Variants in PCSK2 observed in about 807,000 individuals in gnomAD.
The protein encoded by PCSK2 is neuroendocrine convertase 2.
In PCSK2, 14 loss-of-function variants were observed where a neutral mutation model predicts 69.7. That is an observed-to-expected ratio of 0.20 (90% CI 0.13 to 0.31). The LOEUF (loss-of-function observed/expected upper bound fraction) is 0.31. PCSK2 is among the 10% of genes least tolerant of loss of function. PCSK2 has a pLI of 1.00. For missense variants in PCSK2, 544 were observed against 842.5 expected, an observed-to-expected ratio of 0.65 and a Z score of 4.39; for synonymous variants, 307 against 320.7, an observed-to-expected ratio of 0.96 and a Z score of 0.46.
At chr20:17,429,271 T>G (rs981183704) in intron 6 of PCSK2, among the ~76,000 whole-genome samples, 164 bp from the exon 7 acceptor site, 1 of 152,136 alleles carries the variant, frequency 6.6e-6, no homozygotes, top group African/African-American at 2.4e-5. Context: ...ACTTTAAGTC[T>G]TCACAGAACT....
At chr20:17,422,284 A>T (rs2032149363) in intron 6 of PCSK2, among the ~76,000 whole-genome samples, 1 of 152,210 alleles carries the variant, frequency 6.6e-6, no homozygotes, top group Non-Finnish European at 1.5e-5. Context: ...GTCTGACAAG[A>T]TGTGGGTTCT....
At chr20:17,467,422 C>A (rs2033121638) in intron 11 of PCSK2, among the ~76,000 whole-genome samples, 1 of 152,218 alleles carries the variant, frequency 6.6e-6, no homozygotes, top group African/African-American at 2.4e-5. Flanking sequence ...GTAAAAAGCT[C>A]TAGTGGCAAG....
chr20:17,284,690 A>G (rs1243828316), intron 2 of PCSK2, among the ~76,000 whole-genome samples: 1 of 152,208 alleles, frequency 6.6e-6, no homozygotes, highest in Non-Finnish European at 1.5e-5. Flanking sequence ...CAATATGCCA[A>G]GACACTGGAT....
chr20:17,402,660 CAAA>C (rs35767841), intron 5 of PCSK2, among the ~76,000 whole-genome samples: 2 of 113,052 alleles, frequency 1.8e-5, no homozygotes, highest in Admixed American at 9.6e-5. Flanking sequence ...GACTCTGTCT[CAAA>C]AAAAAAAAAA....
At chr20:17,309,409 A>G (rs552005848) in intron 2 of PCSK2, among the ~76,000 whole-genome samples, 1 of 152,354 alleles carries the variant, frequency 6.6e-6, no homozygotes, top group Admixed American at 6.5e-5. Flanking sequence ...TTAAAAAGCA[A>G]TGAATAAAAA....
intron 5 of PCSK2, among the ~76,000 whole-genome samples, chr20:17,371,782 G>T (rs971964513): frequency 2.0e-5 from 3 of 151,956 alleles, no homozygotes; most frequent in African/African-American, 7.3e-5. Flanking sequence ...CATGGCATTA[G>T]CTCATGCTAT....
chr20:17,443,399 A>C (rs996868790), intron 8 of PCSK2, among the ~76,000 whole-genome samples: 4 of 152,156 alleles, frequency 2.6e-5, no homozygotes, highest in African/African-American at 9.7e-5. Context: ...AGAAGCATTT[A>C]GGATGAAATT....
rs1568654116 is a variant in PCSK2 at position 17,447,164 on chromosome 20, G to GCCA, written c.886-6578_886-6577insCCA. On this transcript the variant is annotated intron_variant, in intron 8 of 11. Transcript: ENST00000262545. ...TATGTGCCTGTAATCCCAGCTACTT[G>GCCA]GGAGGCTGAGGCAGGAGAATATCTT... is the stretch of plus-strand genomic sequence containing the variant. 8.0e-4 allele frequency among the ~76,000 whole-genome samples: 121 copies of GCCA among 151,256 alleles called. 1 individual carries two copies. In the East Asian group the frequency reaches 0.02, roughly 26 times the overall value.
At chr20:17,248,389 C>T (rs1457736661) in intron 1 of PCSK2, among the ~76,000 whole-genome samples, 1 of 152,154 alleles carries the variant, frequency 6.6e-6, no homozygotes. Flanking sequence ...AGCCTTACAT[C>T]CTTGAGGTCT....
Position 17,348,050 on chromosome 20 carries a change from G to GAAAGAAAGAAA in PCSK2, c.283-10277_283-10276insAAAGAAAGAAA, listed in dbSNP as rs202080909. On this transcript the variant is annotated intron_variant, in intron 2 of 11. Coordinates refer to ENST00000262545, the MANE Select transcript of PCSK2 (RefSeq NM_002594.5). ...AAGAAAGAAGAAAGAAAGAAAGAAA[G>GAAAGAAAGAAA]GAAAGAAAGAAAGAAAGAAAGAAAG... Among the ~76,000 whole-genome samples the GAAAGAAAGAAA allele has an allele frequency of 6.7e-4, 58 of 86,912 alleles. 1 individual carries two copies. Among genetic ancestry groups the GAAAGAAAGAAA allele is most frequent in the Non-Finnish European group, 9.0e-4 (36 of 40,142 alleles). 57.0% of individuals were successfully genotyped at this position (86,912 alleles called of 152,430 possible).
intron 2 of PCSK2, among the ~76,000 whole-genome samples, chr20:17,352,776 G>A (rs576141312): frequency 7.7e-4 from 117 of 152,262 alleles, no homozygotes; most frequent in African/African-American, 2.7e-3. Flanking sequence ...TGCCATTCCA[G>A]ACATAGGTCT....
At chr20:17,301,327 A>C (rs1568591984) in intron 2 of PCSK2, among the ~76,000 whole-genome samples, 1 of 152,066 alleles carries the variant, frequency 6.6e-6, no homozygotes, top group Non-Finnish European at 1.5e-5. Flanking sequence ...AAGCAGCTGG[A>C]GGAGGAGGAG....
intron 2 of PCSK2, among the ~76,000 whole-genome samples, chr20:17,294,646 C>T (rs2123073471): frequency 6.6e-6 from 1 of 152,314 alleles, no homozygotes; most frequent in Admixed American, 6.5e-5. Flanking sequence ...ACCTGGGAAG[C>T]TCCATTTGAT....
chr20:17,291,677 T>C (rs1172612037), intron 2 of PCSK2, among the ~76,000 whole-genome samples: 1 of 152,174 alleles, frequency 6.6e-6, no homozygotes, highest in East Asian at 1.9e-4. Flanking sequence ...ATAGAAGGTT[T>C]TTATTTTATC....
chr20:17,460,269 T>TA (rs140714994), intron 10 of PCSK2, among the ~76,000 whole-genome samples: 2 of 149,678 alleles, frequency 1.3e-5, no homozygotes, highest in Admixed American at 6.6e-5. Flanking sequence ...AAGAGAAAAA[T>TA]AAAAAAAGAA....
rs56275148 is a variant in PCSK2, at chr20:17,335,427, T to TTGTGTGTGTGTGTGTGTGTGTG, written c.283-22886_283-22865dup. On this transcript the variant is annotated intron_variant, in intron 2 of 11. Transcript: ENST00000262545. ...AGTCAGACAGCATCACAGCATCACT[T>TTGTGTGTGTGTGTGTGTGTGTG]TGTGTGTGTGTGTGTGTGTGTGTGT... 8.7e-3 allele frequency among the ~76,000 whole-genome samples: 1,213 copies of TTGTGTGTGTGTGTGTGTGTGTG among 139,236 alleles called. 15 individuals carry two copies. The highest frequency in any genetic ancestry group is 0.012 in the Non-Finnish European group (794 of 64,978). The allele number at this position is 139,236 out of a possible 152,430, so 91.3% of individuals were successfully genotyped here. A position where few individuals can be genotyped will look rare whatever the true frequency, so the allele number is the denominator to read the frequency against.
At chr20:17,281,137 G>T (rs74181949) in intron 2 of PCSK2, among the ~76,000 whole-genome samples, 5,837 of 152,232 alleles carry the variant, frequency 0.038, 162 homozygotes, top group South Asian at 0.064. Context: ...AGGTCAAACT[G>T]GGCATGTGAC....
At chr20:17,480,093 G>A (rs985081449) in intron 11 of PCSK2, among the ~76,000 whole-genome samples, 28 of 150,932 alleles carry the variant, frequency 1.9e-4, no homozygotes, top group African/African-American at 6.6e-4. Context: ...GCTTAACCTC[G>A]CTCCAACTCT....
At chr20:17,433,812 T>TCCC (rs1555795286) in intron 7 of PCSK2, among the ~76,000 whole-genome samples, 5 of 104,168 alleles carry the variant, frequency 4.8e-5, no homozygotes, top group East Asian at 3.8e-4. Context: ...TCTCTCTCTC[T>TCCC]CCCCCCACTT....
Sources: allele counts gnomAD v4.1 joint callset (sites outside exome capture counted in the v4.1 genomes callset), GRCh38; gene constraint gnomAD v4.1.1; transcripts MANE v1.5; gene names NCBI Gene and HGNC (gene_info 2026-07-23, HGNC 2026-07-21).